Variants in ATG7 observed in about 807,000 individuals in gnomAD.
ATG7 encodes ubiquitin-like modifier-activating enzyme ATG7.
A neutral mutation model predicts 82.4 loss-of-function variants in ATG7; 70 were observed. The ratio of observed to expected loss-of-function variants is 0.85; its 90% CI spans 0.70 to 1.04. The LOEUF (loss-of-function observed/expected upper bound fraction) is 1.04, where lower values mean the gene tolerates loss of function less well. ATG7 is among the 50% of genes least tolerant of loss of function. The pLI, the probability that ATG7 is intolerant of heterozygous loss-of-function variation, is 0.00. For missense variants in ATG7, 792 were observed against 864.3 expected (o/e 0.92, Z 1.05); for synonymous variants, 287 against 313.0 (o/e 0.92, Z 0.88).
At chr3:11,573,335 GAAAGAAAGAAAGAAAGAAAGAAAGA>G in the ATG7 span, among the ~76,000 whole-genome samples, 1 of 64,078 alleles carries the variant, frequency 1.6e-5, no homozygotes, top group Non-Finnish European at 3.4e-5. Flanking sequence ...AAGAAAGAAA[GAAAGAAAGAAAGAAAGAAAGAAAGA>G]AAGAAAGAAA....
In ATG7 at chr3:11,309,071, T is replaced by C; in HGVS notation, c.411+10T>C. ...CCTCTTGACATTTGCAGTAAGTAAA[T>C]GGGCTCTCGGTTGCACCGAGGTTGG... is the stretch of plus-strand genomic sequence containing the variant. On this transcript the variant is annotated intron_variant, in intron 7 of 20. Transcript: ENST00000693202. 2.5e-6 allele frequency: 4 copies of C among 1,611,096 alleles called. No individual in the cohort carries two copies. Among genetic ancestry groups the C allele is most frequent in the Non-Finnish European group, 3.4e-6 (4 of 1,177,206 alleles).
chr3:11,330,372 G>A lies in ATG7; in HGVS notation c.679-968G>A, dbSNP rs189952467. ...TCTTTATTTATATCAGTGTGGACTC[G>A]TAGATACTTATTTTATACTTTGGGT... On this transcript the variant is annotated intron_variant, in intron 9 of 20. Coordinates refer to ENST00000693202, the MANE Select transcript of ATG7 (RefSeq NM_001349232.2). Among the ~76,000 whole-genome samples, 8 of 152,172 alleles carry A rather than the reference G, an allele frequency of 5.3e-5. No homozygotes were observed. In the East Asian group the frequency reaches 7.7e-4, roughly 15 times the overall value.
chr3:11,552,702 G>A (rs2071924869), intron 20 of ATG7, among the ~76,000 whole-genome samples: 1 of 152,174 alleles, frequency 6.6e-6, no homozygotes, highest in Admixed American at 6.5e-5. Flanking sequence ...CGCACAATAA[G>A]TCTTCTGGGT....
chr3:11,546,262 T>C (rs111827101), intron 20 of ATG7, among the ~76,000 whole-genome samples: 27,979 of 147,350 alleles, frequency 0.19, 2,842 homozygotes, highest in Middle Eastern at 0.27. Flanking sequence ...ACCTCTTCCT[T>C]CCGGGTTCAA....
intron 20 of ATG7, among the ~76,000 whole-genome samples, chr3:11,440,434 C>T (rs1392588929): frequency 6.4e-5 from 9 of 141,726 alleles, no homozygotes; most frequent in African/African-American, 2.1e-4. Flanking sequence ...ACGCCATTCT[C>T]CTGCCTCAGC....
intron 18 of ATG7, 113 bp downstream of exon 18, chr3:11,364,847 C>T: frequency 9.0e-7 from 1 of 1,112,198 alleles, no homozygotes; most frequent in Non-Finnish European, 1.3e-6. Flanking sequence ...ACTTACCCTG[C>T]AGCTGGGATT....
In ATG7 at chr3:11,362,846, A is replaced by C; in HGVS notation, c.1717A>C (p.Thr573Pro). The C allele has an allele frequency of 6.2e-7, 1 of 1,614,096 alleles. No individual in the cohort carries two copies. ...AGACCGGACCTTGGACCAGCAGTGCACTGTGAGTCGTCCAGGACTGGCCGT... is the reference window on the plus strand; with the variant it reads ...AGACCGGACCTTGGACCAGCAGTGCCCTGTGAGTCGTCCAGGACTGGCCGT... Reference protein sequence around the residue: ...TRDRTLDQQCTVSRPGLAVIA... With the variant: ...TRDRTLDQQCPVSRPGLAVIA... Residue 573 changes from threonine (T) to proline (P), a missense_variant, in exon 17 of 21, where the codon ACT becomes CCT. Coordinates refer to ENST00000693202, the MANE Select transcript of ATG7 (RefSeq NM_001349232.2).
intron 19 of ATG7, among the ~76,000 whole-genome samples, chr3:11,418,568 T>C (rs1273336545): frequency 6.6e-6 from 1 of 152,208 alleles, no homozygotes; most frequent in African/African-American, 2.4e-5. Flanking sequence ...GGAGTTTTTA[T>C]CACTGGGGCT....
intron 19 of ATG7, among the ~76,000 whole-genome samples, chr3:11,383,290 A>T (rs1367539256): frequency 6.6e-6 from 1 of 151,840 alleles, no homozygotes; most frequent in African/African-American, 2.4e-5. Flanking sequence ...CAGTGTTTTG[A>T]TATTTTGCCA....
chr3:11,315,097 A>G (rs1462067223), intron 8 of ATG7, among the ~76,000 whole-genome samples: 2 of 152,192 alleles, frequency 1.3e-5, no homozygotes, highest in Non-Finnish European at 2.9e-5. Context: ...AGCTTAGGGA[A>G]CTACCATGTT....
the ATG7 span, among the ~76,000 whole-genome samples, chr3:11,573,332 A>G: frequency 2.0e-3 from 124 of 61,440 alleles, 4 homozygotes; most frequent in East Asian, 4.6e-3. Context: ...AGAAAGAAAG[A>G]AAGAAAGAAA....
chr3:11,510,378 AG>A, intron 20 of ATG7: 1 of 405,454 alleles, frequency 2.5e-6, no homozygotes, highest in East Asian at 7.8e-5. Flanking sequence ...TCCCTGCCCC[AG>A]TTTAAAAAAA....
At chr3:11,419,733 G>A (rs1312224532) in intron 19 of ATG7, among the ~76,000 whole-genome samples, 1 of 152,186 alleles carries the variant, frequency 6.6e-6, no homozygotes, top group Non-Finnish European at 1.5e-5. Context: ...GTTTGATATA[G>A]TAAAGAGTAA....
Position 11,333,063 on chromosome 3 carries a change from G to A in ATG7, c.859G>A (p.Val287Met), listed in dbSNP as rs747315357. ...RDVAHSIIFE[V>M]KLPEMAFSPD... ...CGTTGCCCACAGCATCATCTTCGAA[G>A]TGAAGCTTCCAGAAATGGCATTTAG... Residue 287 changes from valine to methionine, a missense_variant, in exon 11 of 21, where the codon GTG becomes ATG. Transcript: ENST00000693202. 5 of 1,563,486 alleles carry A rather than the reference G, an allele frequency of 3.2e-6. No homozygotes were observed. Among genetic ancestry groups the A allele is most frequent in the Non-Finnish European group, 4.3e-6 (5 of 1,155,948 alleles).
At chr3:11,442,680 A>C (rs1210278229) in intron 20 of ATG7, among the ~76,000 whole-genome samples, 1 of 127,508 alleles carries the variant, frequency 7.8e-6, no homozygotes, top group African/African-American at 2.9e-5. Flanking sequence ...AGGTGGGAGG[A>C]TTGTGTGAGA....
intron 13 of ATG7, 51 bp downstream of exon 13, chr3:11,342,330 C>T (rs1450107619): frequency 1.9e-6 from 3 of 1,566,830 alleles, no homozygotes; most frequent in Admixed American, 1.8e-5. Flanking sequence ...TGTAGCTTCT[C>T]TTCTTGTTTT....
Position 11,538,993 on chromosome 3 carries a change from T to C in ATG7, c.2080-15818T>C, listed in dbSNP as rs1317011174. Reference sequence around the variant, plus strand: ...AGAGCATGGAGAAGGGATCTGAGCTTCTTGCTATTTTCAATGTGAAAAGCT... The same window carrying C: ...AGAGCATGGAGAAGGGATCTGAGCTCCTTGCTATTTTCAATGTGAAAAGCT... On this transcript the variant is annotated intron_variant, in intron 20 of 20. Coordinates refer to ENST00000693202, the MANE Select transcript of ATG7 (RefSeq NM_001349232.2). Among the ~76,000 whole-genome samples, 530 of 152,316 alleles carry C rather than the reference T, an allele frequency of 3.5e-3. 2 individuals carry two copies. Among genetic ancestry groups the C allele is most frequent in the African/African-American group, 0.012 (505 of 41,576 alleles).
At chr3:11,349,197 T>C (rs1955069485) in intron 14 of ATG7, among the ~76,000 whole-genome samples, 3 of 151,722 alleles carry the variant, frequency 2.0e-5, no homozygotes, top group African/African-American at 7.3e-5. Context: ...TACAGAGTGC[T>C]GACTGGTGCA....
At chr3:11,502,271 T>G (rs1172762831) in intron 20 of ATG7, among the ~76,000 whole-genome samples, 1 of 151,426 alleles carries the variant, frequency 6.6e-6, no homozygotes, top group Non-Finnish European at 1.5e-5. Context: ...ACGTGCACAT[T>G]GTGCAGGTTA....
Sources: allele counts gnomAD v4.1 joint callset (sites outside exome capture counted in the v4.1 genomes callset), GRCh38; gene constraint gnomAD v4.1.1; transcripts MANE v1.5; gene names NCBI Gene and HGNC (gene_info 2026-07-23, HGNC 2026-07-21).